TYW1: variants seen among roughly 807,000 people sequenced by gnomAD.
The protein encoded by TYW1 is tRNA-yW synthesizing protein 1 homolog.
Under a neutral mutation model 96.2 loss-of-function variants are expected in TYW1, and 46 were observed. The observed-to-expected ratio is 0.48, with a 90% CI of 0.38 to 0.61. The LOEUF is 0.61. TYW1 is among the 20% of genes least tolerant of loss of function. The pLI, the probability that TYW1 is intolerant of heterozygous loss-of-function variation, is 0.00. For missense variants in TYW1, 684 were observed against 909.6 expected (o/e 0.75, Z 3.19); for synonymous variants, 274 against 323.0 (o/e 0.85, Z 1.63).
chr7:67,029,821 C>T (rs193290400), intron 7 of TYW1, among the ~76,000 whole-genome samples: 1 of 152,264 alleles, frequency 6.6e-6, no homozygotes, highest in East Asian at 1.9e-4. Flanking sequence ...CCATCTCGGC[C>T]TCCTGAGTAG....
rs1793180152 is a variant in TYW1, at chr7:66,996,855, C to T, written c.-124C>T. The T allele has an allele frequency of 6.4e-7, 1 of 1,552,796 alleles. No homozygotes were observed. The highest frequency in any genetic ancestry group is 8.8e-7 in the Non-Finnish European group (1 of 1,142,146). ...GGCCTGGCAGTGTCATGGCTGCCCA[C>T]AGGTCTGCAGGCACTCGGTACGCCG... On this transcript the variant is annotated 5_prime_UTR_variant, in exon 1 of 16. Transcript: ENST00000359626.
chr7:67,112,120 A>AAAG (rs1797433723), intron 12 of TYW1, among the ~76,000 whole-genome samples: 1 of 148,692 alleles, frequency 6.7e-6, no homozygotes, highest in Non-Finnish European at 1.5e-5. Context: ...AAAAAAAAAA[A>AAAG]AAAGAAAGTG....
At chr7:67,142,315 G>A (rs1411727816) in intron 13 of TYW1, among the ~76,000 whole-genome samples, 1 of 152,106 alleles carries the variant, frequency 6.6e-6, no homozygotes, top group Non-Finnish European at 1.5e-5. Context: ...TGTTGCATAG[G>A]CTGGTCTTCA....
At chr7:67,139,947 C>G (rs555572894) in intron 13 of TYW1, among the ~76,000 whole-genome samples, 9 of 151,932 alleles carry the variant, frequency 5.9e-5, no homozygotes, top group African/African-American at 2.2e-4. Flanking sequence ...AAAGACACAC[C>G]CGAGACTGAG....
intron 10 of TYW1, among the ~76,000 whole-genome samples, chr7:67,069,443 A>G (rs1293349698): frequency 2.0e-5 from 3 of 152,172 alleles, no homozygotes. Context: ...GAGGAGTTAC[A>G]ATCCAAAAAT....
chr7:67,058,381 C>T (rs1037827705), intron 9 of TYW1, among the ~76,000 whole-genome samples: 12 of 152,138 alleles, frequency 7.9e-5, no homozygotes, highest in East Asian at 1.9e-4. Context: ...ATTCCTAGAG[C>T]GGTGTGGCAG....
intron 15 of TYW1, among the ~76,000 whole-genome samples, chr7:67,218,874 C>T (rs1255435100): frequency 6.6e-6 from 1 of 152,128 alleles, no homozygotes; most frequent in South Asian, 2.1e-4. Flanking sequence ...TTTTTCCTCT[C>T]CAATTTGGAT....
intron 10 of TYW1, among the ~76,000 whole-genome samples, chr7:67,075,479 T>C (rs1312805068): frequency 6.6e-6 from 1 of 152,158 alleles, no homozygotes; most frequent in Non-Finnish European, 1.5e-5. Flanking sequence ...GTAGATATAC[T>C]CTAGGTGTCC....
chr7:67,127,579 G>A (rs1242912147), intron 13 of TYW1, among the ~76,000 whole-genome samples: 2 of 151,856 alleles, frequency 1.3e-5, no homozygotes, highest in African/African-American at 4.8e-5. Flanking sequence ...TATTATTTTG[G>A]CCAAATTGCT....
At chr7:67,158,117 C>T (rs1405672424) in intron 13 of TYW1, among the ~76,000 whole-genome samples, 8 of 137,156 alleles carry the variant, frequency 5.8e-5, no homozygotes, top group African/African-American at 2.2e-4. Context: ...GTGATGGAGC[C>T]TTGCTGTGTC....
intron 13 of TYW1, among the ~76,000 whole-genome samples, chr7:67,152,574 G>A (rs180728840): frequency 1.3e-5 from 2 of 152,108 alleles, no homozygotes; most frequent in African/African-American, 2.4e-5. Flanking sequence ...TCAACGTGCT[G>A]CTTACACATA....
chr7:67,004,035 C>T (rs568278620), intron 3 of TYW1, among the ~76,000 whole-genome samples: 1 of 151,950 alleles, frequency 6.6e-6, no homozygotes, highest in South Asian at 2.1e-4. Context: ...CAGAGTGAAA[C>T]CTTGTCTCAA....
At chr7:67,085,247 C>T (rs1165541748) in intron 11 of TYW1, among the ~76,000 whole-genome samples, 1 of 152,190 alleles carries the variant, frequency 6.6e-6, no homozygotes, top group East Asian at 1.9e-4. Flanking sequence ...ACCCAAATCT[C>T]ATCTTGAATT....
chr7:67,087,724 A>C (rs1263805689), intron 11 of TYW1, among the ~76,000 whole-genome samples: 1 of 152,150 alleles, frequency 6.6e-6, no homozygotes, highest in Admixed American at 6.6e-5. Context: ...TTGTGCATTG[A>C]TGTTCTTCAG....
chr7:67,080,940 GTTTTTTTTT>G (rs71049495), intron 10 of TYW1, among the ~76,000 whole-genome samples: 89 of 37,252 alleles, frequency 2.4e-3, no homozygotes, highest in African/African-American at 8.7e-3. Context: ...CTTTCTTACT[GTTTTTTTTT>G]TTTTTTTTTT....
At chr7:67,179,274 G>A (rs1396155244) in intron 13 of TYW1, among the ~76,000 whole-genome samples, 1 of 135,466 alleles carries the variant, frequency 7.4e-6, no homozygotes, top group Non-Finnish European at 1.6e-5. Context: ...GGCCCTGGTG[G>A]GAGTGTCTTA....
intron 14 of TYW1, among the ~76,000 whole-genome samples, chr7:67,193,449 C>T (rs1430481711): frequency 2.0e-5 from 3 of 152,104 alleles, no homozygotes; most frequent in South Asian, 2.1e-4. Context: ...TCACTCTGCT[C>T]ATTTGTTGGT....
chr7:67,017,286 A>G (rs1456474172), intron 5 of TYW1, among the ~76,000 whole-genome samples: 2 of 152,094 alleles, frequency 1.3e-5, no homozygotes, highest in South Asian at 4.1e-4. Flanking sequence ...CCTGGCGTAG[A>G]TACGTAAATA....
chr7:67,141,865 C>A (rs564739225), intron 13 of TYW1, among the ~76,000 whole-genome samples: 1 of 152,216 alleles, frequency 6.6e-6, no homozygotes, highest in East Asian at 1.9e-4. Flanking sequence ...GGGAGACGCC[C>A]TCTCTACTAA....
Sources: allele counts gnomAD v4.1 joint callset (sites outside exome capture counted in the v4.1 genomes callset), GRCh38; gene constraint gnomAD v4.1.1; transcripts MANE v1.5; gene names NCBI Gene and HGNC (gene_info 2026-07-23, HGNC 2026-07-21).